IGFL2: variants seen among roughly 807,000 people sequenced by gnomAD.
IGFL2 encodes IGF like family member 2.
IGFL2 carries 7 observed loss-of-function variants against 13.9 expected under a neutral mutation model. That is an observed-to-expected ratio of 0.51 (90% CI 0.29 to 0.95). IGFL2 has a LOEUF of 0.95. Ranked by LOEUF, IGFL2 falls within the 40% of genes least tolerant of loss-of-function variation. The pLI, the probability that IGFL2 is intolerant of heterozygous loss-of-function variation, is 0.08. For missense variants in IGFL2, 138 were observed against 147.8 expected, an observed-to-expected ratio of 0.93 and a Z score of 0.34; for synonymous variants, 55 against 55.8, an observed-to-expected ratio of 0.99 and a Z score of 0.07.
chr19:46,160,913 G>A (rs1274364660), intron 3 of IGFL2, 32 bp downstream of exon 3: 2 of 1,609,622 alleles, frequency 1.2e-6, no homozygotes, highest in South Asian at 2.2e-5. Context: ...AGGGGGTCGG[G>A]GGAAGGGAGG....
At chr19:46,145,535 C>G (rs530521695), upstream of IGFL2, among the ~76,000 whole-genome samples, 147 of 151,954 alleles carry the variant, frequency 9.7e-4, 1 homozygote, top group African/African-American at 3.4e-3. Flanking sequence ...GGTTTCTTCT[C>G]TCCACCTTCC....
At chr19:46,120,221 C>A in the IGFL2 span, 1 of 1,512,538 alleles carries the variant, frequency 6.6e-7, no homozygotes. Flanking sequence ...ATTGAGCCAT[C>A]CCTCTGAAGT....
intron 1 of IGFL2, chr19:46,159,855 C>A (rs1004948235): frequency 6.4e-6 from 1 of 155,856 alleles, no homozygotes; most frequent in Admixed American, 6.3e-5. Flanking sequence ...GTAGTCTCAC[C>A]TACTCAGGAA....
chr19:46,092,132 GTTTCT>G, the IGFL2 span, among the ~76,000 whole-genome samples: 1 of 152,034 alleles, frequency 6.6e-6, no homozygotes, highest in Non-Finnish European at 1.5e-5. Flanking sequence ...TTTTGAGGTT[GTTTCT>G]TTTCTTAATG....
chr19:46,201,312 T>A, the IGFL2 span, among the ~76,000 whole-genome samples: 1 of 152,148 alleles, frequency 6.6e-6, no homozygotes, highest in Non-Finnish European at 1.5e-5. Flanking sequence ...TAGACTGGAG[T>A]TCTCCAAGGG....
At chr19:46,120,261 AGTCTCCGAT>A in the IGFL2 span, 2 of 1,603,116 alleles carry the variant, frequency 1.2e-6, no homozygotes, top group Middle Eastern at 1.8e-4. Flanking sequence ...GTTCAACTGT[AGTCTCCGAT>A]GTCCAGCTGC....
chr19:46,146,877 T>C, upstream of IGFL2, among the ~76,000 whole-genome samples: 1 of 152,198 alleles, frequency 6.6e-6, no homozygotes, highest in East Asian at 1.9e-4. Flanking sequence ...TCCTGATCTC[T>C]GTCTCACCCT....
the IGFL2 span, chr19:46,113,657 C>T: frequency 7.1e-5 from 17 of 238,464 alleles, no homozygotes; most frequent in Non-Finnish European, 1.2e-4. Flanking sequence ...ACCAGCTTTA[C>T]ACCACAAAGC....
intron 1 of IGFL2, among the ~76,000 whole-genome samples, chr19:46,150,809 A>G (rs1973441632): frequency 6.6e-6 from 1 of 152,028 alleles, no homozygotes; most frequent in Non-Finnish European, 1.5e-5. Flanking sequence ...AGCTGAGACC[A>G]CAGGCACGCA....
chr19:46,175,736 T>C, the IGFL2 span, among the ~76,000 whole-genome samples: 1 of 151,774 alleles, frequency 6.6e-6, no homozygotes, highest in Non-Finnish European at 1.5e-5. Flanking sequence ...AGACGGGGTT[T>C]CACCATTTTG....
the IGFL2 span, chr19:46,181,357 G>T: frequency 6.6e-6 from 1 of 152,176 alleles, no homozygotes; most frequent in Non-Finnish European, 1.5e-5. Context: ...TTAAAATTAT[G>T]GAAGGGGACT....
chr19:46,164,260 T>A (rs370148402), downstream of IGFL2: 4 of 151,980 alleles, frequency 2.6e-5, no homozygotes, highest in African/African-American at 9.7e-5. Context: ...TAGGTCCTGG[T>A]TGGGACATTC....
At chr19:46,189,426 C>T in the IGFL2 span, among the ~76,000 whole-genome samples, 2 of 152,150 alleles carry the variant, frequency 1.3e-5, no homozygotes, top group Admixed American at 1.3e-4. Flanking sequence ...GCGGGCAGGC[C>T]TGACGGATGT....
At chr19:46,084,860 C>T in the IGFL2 span, among the ~76,000 whole-genome samples, 9 of 152,178 alleles carry the variant, frequency 5.9e-5, no homozygotes, top group African/African-American at 1.9e-4. Flanking sequence ...TATCATTCCA[C>T]CCCTGTCTCC....
the IGFL2 span, among the ~76,000 whole-genome samples, chr19:46,116,232 A>G: frequency 6.6e-6 from 1 of 152,162 alleles, no homozygotes; most frequent in Non-Finnish European, 1.5e-5. Flanking sequence ...GTCTTTTAAG[A>G]CATACCAAAT....
chr19:46,197,472 C>T, the IGFL2 span: 1 of 156,006 alleles, frequency 6.4e-6, no homozygotes, highest in East Asian at 1.9e-4. Context: ...ACTCTCTCAA[C>T]ATTGCTGGCC....
chr19:46,119,064 A>G, the IGFL2 span, among the ~76,000 whole-genome samples: 1 of 152,070 alleles, frequency 6.6e-6, no homozygotes. Flanking sequence ...ACAAGCCCAC[A>G]GCTGGCACCA....
the IGFL2 span, chr19:46,194,994 G>A: frequency 2.0e-5 from 3 of 147,288 alleles, no homozygotes; most frequent in Non-Finnish European, 4.5e-5. Context: ...GGATTACAGG[G>A]ATGAGCCACT....
upstream of IGFL2, among the ~76,000 whole-genome samples, chr19:46,146,433 T>C (rs915811592): frequency 2.0e-5 from 3 of 152,200 alleles, no homozygotes; most frequent in Non-Finnish European, 4.4e-5. Context: ...GTGTTGGCCA[T>C]TCTAGTTTCC....
Sources: gnomAD v4.1 joint callset for allele counts (sites outside exome capture counted in the v4.1 genomes callset) on GRCh38, gnomAD v4.1.1 for gene constraint, MANE v1.5 for transcripts, NCBI Gene and HGNC (gene_info 2026-07-23, HGNC 2026-07-21) for gene names.